ADGRE1: variants seen among roughly 807,000 people sequenced by gnomAD.
ADGRE1 encodes the protein adhesion G protein-coupled receptor E1.
A neutral mutation model predicts 102.7 loss-of-function variants in ADGRE1; 82 were observed. That is an observed-to-expected ratio of 0.80 (90% CI 0.67 to 0.96). The LOEUF (loss-of-function observed/expected upper bound fraction) is 0.96, where lower values mean the gene tolerates loss of function less well. ADGRE1 is among the 40% of genes least tolerant of loss of function. The pLI, the probability that ADGRE1 is intolerant of heterozygous loss-of-function variation, is 0.00. For missense variants in ADGRE1, 1,032 were observed against 1,085.3 expected (o/e 0.95, Z 0.69); for synonymous variants, 398 against 399.6 (o/e 1.00, Z 0.05).
In ADGRE1 at chr19:6,921,704, T is replaced by TG. The variant is rs753532690; in HGVS notation, c.1621-9_1621-8insG. ...GACCTTTGTTTTTTTGTTTTTTTGT[T>TG]TTTTTTAGCCAAAGCAGAAGTTTGA... On this transcript the variant is annotated splice_polypyrimidine_tract_variant and intron_variant, in intron 13 of 20. Coordinates refer to ENST00000312053, the MANE Select transcript of ADGRE1 (RefSeq NM_001974.5). 6.3e-7 allele frequency: 1 copy of TG among 1,581,160 alleles called. No homozygotes were observed. The highest frequency in any genetic ancestry group is 1.4e-5 in the African/African-American group (1 of 72,734).
intron 6 of ADGRE1, 92 bp downstream of exon 6, chr19:6,902,113 AC>A (rs2144908465): frequency 1.3e-6 from 2 of 1,487,084 alleles, no homozygotes; most frequent in African/African-American, 2.8e-5. Context: ...TGAGTTTGAG[AC>A]TTTCATCTGC....
At chr19:6,937,458 C>G in intron 19 of ADGRE1, 47 bp downstream of exon 19, 2 of 1,508,814 alleles carry the variant, frequency 1.3e-6, no homozygotes, top group Non-Finnish European at 1.8e-6. Context: ...ATCCCCCTCT[C>G]CCCCCTTCCC....
intron 14 of ADGRE1, 52 bp downstream of exon 14, chr19:6,921,935 A>G (rs749899491): frequency 3.2e-5 from 50 of 1,550,352 alleles, no homozygotes; most frequent in Non-Finnish European, 3.9e-5. Context: ...TCCAAATCCA[A>G]TGGGAAAATA....
At chr19:6,895,223 G>A (rs1157899070) in intron 2 of ADGRE1, 1 of 152,214 alleles carries the variant, frequency 6.6e-6, no homozygotes, top group African/African-American at 2.4e-5. Context: ...AAAGTGTGGA[G>A]TATGCTCTTT....
chr19:6,927,317 C>CTTCCT (rs796874353), intron 16 of ADGRE1, among the ~76,000 whole-genome samples: 3 of 150,178 alleles, frequency 2.0e-5, no homozygotes, highest in Non-Finnish European at 4.4e-5. Context: ...CCCTTCCTCC[C>CTTCCT]TCCCTTCTTT....
chr19:6,901,376 C>T (rs1443771450), intron 5 of ADGRE1, among the ~76,000 whole-genome samples: 1 of 152,064 alleles, frequency 6.6e-6, no homozygotes, highest in Non-Finnish European at 1.5e-5. Context: ...GATCAGAGGC[C>T]CAATAGAATG....
At chr19:6,920,584 T>C (rs1288842319) in intron 13 of ADGRE1, among the ~76,000 whole-genome samples, 2 of 132,738 alleles carry the variant, frequency 1.5e-5, no homozygotes, top group East Asian at 5.2e-4. Flanking sequence ...AGTTCAATGG[T>C]GCAACCTTGG....
intron 2 of ADGRE1, among the ~76,000 whole-genome samples, chr19:6,891,455 ATTT>A (rs113589576): frequency 2.5e-4 from 34 of 136,494 alleles, no homozygotes; most frequent in African/African-American, 8.4e-4. Context: ...CATCTTTCAC[ATTT>A]TTTTTTTTTT....
intron 2 of ADGRE1, among the ~76,000 whole-genome samples, chr19:6,891,866 C>T (rs1470891749): frequency 6.6e-6 from 1 of 152,014 alleles, no homozygotes; most frequent in Non-Finnish European, 1.5e-5. Flanking sequence ...GGCAAAGGGG[C>T]AGGGTGGGAT....
intron 8 of ADGRE1, 107 bp downstream of exon 8, chr19:6,904,289 C>A: frequency 2.2e-6 from 3 of 1,365,252 alleles, no homozygotes; most frequent in South Asian, 1.4e-5. Context: ...TTGCCTCATC[C>A]ACATATTCTG....
chr19:6,912,658 G>A (rs1974247176), intron 10 of ADGRE1, among the ~76,000 whole-genome samples: 1 of 152,090 alleles, frequency 6.6e-6, no homozygotes, highest in Admixed American at 6.6e-5. Context: ...GCTTGTTAAT[G>A]CCTATAGGTA....
chr19:6,917,739 CAA>C (rs35172767), intron 12 of ADGRE1, among the ~76,000 whole-genome samples: 21 of 116,408 alleles, frequency 1.8e-4, no homozygotes, highest in African/African-American at 2.8e-4. Context: ...GACTCCATCT[CAA>C]AAAAAAAAAA....
chr19:6,909,888 C>G (rs1974107291), intron 10 of ADGRE1, among the ~76,000 whole-genome samples: 1 of 152,108 alleles, frequency 6.6e-6, no homozygotes, highest in Non-Finnish European at 1.5e-5. Context: ...GCATGCGCCA[C>G]CATGCCCGGC....
chr19:6,923,561 A>G (rs992035301), intron 14 of ADGRE1, among the ~76,000 whole-genome samples: 1 of 151,350 alleles, frequency 6.6e-6, no homozygotes, highest in Non-Finnish European at 1.5e-5. Flanking sequence ...ACTGAGTTTC[A>G]CTCTTGTTGC....
chr19:6,924,613 C>T, intron 14 of ADGRE1, 65 bp from the exon 15 acceptor site: 7 of 1,494,724 alleles, frequency 4.7e-6, no homozygotes, highest in Middle Eastern at 1.7e-4. Context: ...TTAGATAACT[C>T]TTCTTCCCGC....
chr19:6,914,596 G>A (rs561823543), intron 11 of ADGRE1, among the ~76,000 whole-genome samples: 28 of 152,280 alleles, frequency 1.8e-4, no homozygotes, highest in Admixed American at 5.9e-4. Context: ...ATGCCCAGAC[G>A]GCCAAGAGGT....
intron 18 of ADGRE1, among the ~76,000 whole-genome samples, chr19:6,936,824 T>C (rs1001022118): frequency 1.6e-4 from 24 of 152,116 alleles, no homozygotes; most frequent in Admixed American, 9.2e-4. Context: ...GTTTTCACCA[T>C]GTTAACCAGG....
At chr19:6,937,676 G>A in intron 20 of ADGRE1, 28 bp downstream of exon 20, 2 of 1,607,416 alleles carry the variant, frequency 1.2e-6, no homozygotes, top group South Asian at 2.2e-5. Context: ...CCCTGCAGGT[G>A]CTGGTCGAGG....
chr19:6,904,354 T>TATTAATTA (rs10638051), intron 8 of ADGRE1, among the ~76,000 whole-genome samples, 172 bp downstream of exon 8: 55,308 of 151,170 alleles, frequency 0.37, 11,852 homozygotes, highest in African/African-American at 0.6. Flanking sequence ...TTGGAGTACC[T>TATTAATTA]ATTAATTAAT....
Sources: gnomAD v4.1 joint callset for allele counts (sites outside exome capture counted in the v4.1 genomes callset) on GRCh38, gnomAD v4.1.1 for gene constraint, MANE v1.5 for transcripts, NCBI Gene and HGNC (gene_info 2026-07-23, HGNC 2026-07-21) for gene names.